LRMDA: variants seen among roughly 807,000 people sequenced by gnomAD.
LRMDA encodes the protein leucine rich melanocyte differentiation associated, also known as leucine-rich melanocyte differentiation-associated protein.
LRMDA carries 18 observed loss-of-function variants against 29.8 expected under a neutral mutation model. The ratio of observed to expected loss-of-function variants is 0.60; its 90% CI spans 0.42 to 0.90. The LOEUF is 0.90. LRMDA is among the 40% of genes least tolerant of loss of function. The pLI is 0.00. For synonymous variants in LRMDA, 125 were observed against 109.4 expected (o/e 1.14, Z -0.89); for missense variants, 273 against 273.9 (o/e 1.00, Z 0.02).
chr10:75,840,197 C>T (rs1589224833), intron 2 of LRMDA, among the ~76,000 whole-genome samples: 1 of 152,176 alleles, frequency 6.6e-6, no homozygotes, highest in East Asian at 1.9e-4. Context: ...CATACCCTTA[C>T]AGGCCTTCCT....
At chr10:76,506,574 C>G (rs1305103762) in intron 6 of LRMDA, among the ~76,000 whole-genome samples, 1 of 152,006 alleles carries the variant, frequency 6.6e-6, no homozygotes, top group Non-Finnish European at 1.5e-5. Flanking sequence ...AGAAGTTATT[C>G]TTTCTCACTG....
intron 5 of LRMDA, among the ~76,000 whole-genome samples, chr10:76,084,131 C>T (rs1210122927): frequency 1.3e-5 from 2 of 152,146 alleles, no homozygotes; most frequent in Non-Finnish European, 1.5e-5. Flanking sequence ...ACCACCTCTT[C>T]CTTAGTATCC....
rs780867995 is a variant in LRMDA at position 76,058,656 on chromosome 10, T to C, written c.399-10T>C. ...AACTTCCTGAGTTGTCTCTGACTCTTATCTTCCAGATGCTTTGTTCTGTAC... is the reference window on the plus strand; with the variant it reads ...AACTTCCTGAGTTGTCTCTGACTCTCATCTTCCAGATGCTTTGTTCTGTAC... On this transcript the variant is annotated splice_polypyrimidine_tract_variant and intron_variant, in intron 4 of 6. Transcript: ENST00000611255. 6.2e-7 allele frequency: 1 copy of C among 1,607,966 alleles called. No homozygotes were observed. The highest frequency in any genetic ancestry group is 8.5e-7 in the Non-Finnish European group (1 of 1,174,366).
At chr10:75,775,541 T>A (rs1843300681) in intron 2 of LRMDA, among the ~76,000 whole-genome samples, 1 of 152,226 alleles carries the variant, frequency 6.6e-6, no homozygotes, top group African/African-American at 2.4e-5. Flanking sequence ...TAATGGGTCA[T>A]GATGTCCCAT....
intron 6 of LRMDA, among the ~76,000 whole-genome samples, chr10:76,432,800 T>G (rs929514832): frequency 2.0e-5 from 3 of 152,192 alleles, no homozygotes; most frequent in African/African-American, 7.2e-5. Flanking sequence ...CCCCACTGTT[T>G]CCAGTATTGT....
intron 5 of LRMDA, among the ~76,000 whole-genome samples, chr10:76,097,544 T>C (rs1224822985): frequency 6.6e-6 from 1 of 152,204 alleles, no homozygotes; most frequent in East Asian, 1.9e-4. Context: ...AGTATGAAGT[T>C]AGCTATAGAT....
intron 2 of LRMDA, among the ~76,000 whole-genome samples, chr10:75,500,670 C>CT (rs1217396085): frequency 6.6e-6 from 1 of 152,118 alleles, no homozygotes; most frequent in Non-Finnish European, 1.5e-5. Context: ...CCTCAGGAAA[C>CT]TTACAATCAT....
chr10:76,446,757 C>T (rs769315582), intron 6 of LRMDA, among the ~76,000 whole-genome samples: 5 of 152,136 alleles, frequency 3.3e-5, no homozygotes, highest in East Asian at 1.9e-4. Flanking sequence ...TGCCACGTTG[C>T]GTGGAAAACT....
chr10:75,922,734 C>T (rs1846047041), intron 2 of LRMDA, among the ~76,000 whole-genome samples: 1 of 152,192 alleles, frequency 6.6e-6, no homozygotes, highest in South Asian at 2.1e-4. Flanking sequence ...TGAGGGTAGA[C>T]ACCAGCTGAT....
At chr10:76,508,006 C>T (rs945024545) in intron 6 of LRMDA, among the ~76,000 whole-genome samples, 1 of 152,030 alleles carries the variant, frequency 6.6e-6, no homozygotes, top group East Asian at 1.9e-4. Context: ...AGAATACTAG[C>T]CAATTATTTT....
At chr10:75,748,380 C>T (rs747154734) in intron 2 of LRMDA, among the ~76,000 whole-genome samples, 1 of 152,146 alleles carries the variant, frequency 6.6e-6, no homozygotes, top group African/African-American at 2.4e-5. Context: ...AGGTGTAAAC[C>T]CCCATGCCTG....
At chr10:75,694,030 T>A (rs1014958837) in intron 2 of LRMDA, among the ~76,000 whole-genome samples, 3 of 152,206 alleles carry the variant, frequency 2.0e-5, no homozygotes, top group African/African-American at 7.2e-5. Flanking sequence ...ATTAGAAAAG[T>A]AATGCAAAAT....
At chr10:76,151,239 C>T (rs1850436330) in intron 5 of LRMDA, among the ~76,000 whole-genome samples, 1 of 152,170 alleles carries the variant, frequency 6.6e-6, no homozygotes, top group Non-Finnish European at 1.5e-5. Context: ...TGCTGTTGGA[C>T]ATTTTGTGGA....
At chr10:76,001,637 A>G (rs1005169527) in intron 2 of LRMDA, among the ~76,000 whole-genome samples, 7 of 151,630 alleles carry the variant, frequency 4.6e-5, no homozygotes, top group African/African-American at 1.7e-4. Context: ...TTCATTTATT[A>G]TATTATTATT....
At chr10:76,472,236 T>C (rs918853924) in intron 6 of LRMDA, among the ~76,000 whole-genome samples, 4 of 151,652 alleles carry the variant, frequency 2.6e-5, no homozygotes, top group African/African-American at 7.3e-5. Context: ...CTGATAACAA[T>C]AGAGTGAAAA....
At position 76,461,459 on chromosome 10, in the gene LRMDA, C is replaced by T. The variant is rs147398810; in HGVS notation, c.602-95750C>T. Among the ~76,000 whole-genome samples, 5 of 152,324 alleles carry T rather than the reference C, an allele frequency of 3.3e-5. No individual in the cohort carries two copies. The East Asian group carries it at 7.7e-4, about 23-fold the overall frequency. On this transcript the variant is annotated intron_variant, in intron 6 of 6. Coordinates refer to ENST00000611255, the MANE Select transcript of LRMDA (RefSeq NM_001305581.2). The stretch of plus-strand genomic sequence containing the variant: ...ACCTGTTGGTGCCTTTAGTGCATTG[C>T]TTCCAGAATGATTCCCATGAAATAA...
chr10:76,556,800 G>A (rs553237733), intron 6 of LRMDA, among the ~76,000 whole-genome samples: 47 of 152,244 alleles, frequency 3.1e-4, no homozygotes, highest in African/African-American at 9.9e-4. Context: ...GTCACATTCT[G>A]GGAAGATTGT....
rs541684414 is a variant in LRMDA at position 75,704,290 on chromosome 10, A to G, written c.131+265796A>G. On this transcript the variant is annotated intron_variant, in intron 2 of 6. Transcript: ENST00000611255. ...CTTTCTTGTATTGTTGCAAATGTAC[A>G]TCATATGTATTAGCAGAATTGTCAT... Among the ~76,000 whole-genome samples, 39 of 152,352 alleles carry G rather than the reference A, an allele frequency of 2.6e-4. No individual in the cohort carries two copies. In the South Asian group the frequency reaches 5.2e-3, roughly 20 times the overall value.
intron 2 of LRMDA, among the ~76,000 whole-genome samples, chr10:75,926,820 C>T (rs1051275061): frequency 6.6e-6 from 1 of 152,136 alleles, no homozygotes; most frequent in Non-Finnish European, 1.5e-5. Context: ...CAGCAGGAGA[C>T]CTTGTTGTTT....
Sources: allele counts gnomAD v4.1 joint callset (sites outside exome capture counted in the v4.1 genomes callset), GRCh38; gene constraint gnomAD v4.1.1; transcripts MANE v1.5; gene names NCBI Gene and HGNC (gene_info 2026-07-23, HGNC 2026-07-21).